Variants in ERP27 observed in about 807,000 individuals in gnomAD.
ERP27 encodes the protein endoplasmic reticulum protein 27.
A neutral mutation model predicts 27.7 loss-of-function variants in ERP27; 23 were observed. The observed-to-expected ratio is 0.83, with a 90% CI of 0.60 to 1.18. ERP27 has a LOEUF of 1.18. ERP27 is among the 50% of genes most tolerant of loss of function. ERP27 has a pLI of 0.00. For missense variants in ERP27, 363 were observed against 327.9 expected (o/e 1.11, Z -0.83); for synonymous variants, 159 against 118.3 (o/e 1.34, Z -2.23).
rs552137378 is a variant in ERP27, at chr12:14,938,159, C to T, written c.95-107G>A. 25 of 920,614 alleles carry T rather than the reference C, an allele frequency of 2.7e-5. No individual in the cohort carries two copies. The African/African-American group carries it at 4.0e-4, about 15-fold the overall frequency. The allele number at this position is 920,614 out of a possible 1,614,324, so 57.0% of individuals were successfully genotyped here. A position where few individuals can be genotyped will look rare whatever the true frequency, so the allele number is the denominator to read the frequency against. On this transcript the variant is annotated intron_variant, in intron 1 of 6. Transcript: ENST00000266397. ...CTCTATACTAAGGGCAAGAAGAGCA[C>T]AATTTATAGGAGTACTGTTGGCATT... is the stretch of plus-strand genomic sequence containing the variant.
At chr12:14,937,627 C>T (rs1863791087) in intron 2 of ERP27, among the ~76,000 whole-genome samples, 1 of 152,144 alleles carries the variant, frequency 6.6e-6, no homozygotes, top group African/African-American at 2.4e-5. Context: ...AGAGTATAGA[C>T]CAAATGTGTT....
intron 4 of ERP27, among the ~76,000 whole-genome samples, chr12:14,920,725 G>C (rs763993791): frequency 4.6e-4 from 70 of 152,134 alleles, no homozygotes; most frequent in Non-Finnish European, 9.7e-4. Context: ...CTAGCAGTGT[G>C]ATAGTTCATT....
At position 14,937,964 on chromosome 12, in the gene ERP27, T is replaced by C; in HGVS notation, c.183A>G (p.Ile61Met). 1 of 1,613,920 alleles carries C rather than the reference T, an allele frequency of 6.2e-7. No homozygotes were observed. ...EFIAATEVAVIGFFQDLEIPA... is the reference protein window; with the variant it reads ...EFIAATEVAVMGFFQDLEIPA... ...GTAGGGAACTAACCTGGAAGAAGCC[T>C]ATGACAGCCACCTCAGTGGCAGCAA... Residue 61 changes from isoleucine (I) to methionine (M), a missense_variant, in exon 2 of 7, where the codon ATA (isoleucine) becomes ATG (methionine). By Grantham distance (10) the Ile-to-Met change is conservative. Transcript: ENST00000266397.
At chr12:14,928,359 A>G (rs555677150) in intron 3 of ERP27, among the ~76,000 whole-genome samples, 11 of 152,342 alleles carry the variant, frequency 7.2e-5, no homozygotes, top group Non-Finnish European at 1.5e-4. Flanking sequence ...CATCCCGGTG[A>G]TGATTCCTAT....
chr12:14,915,979 G>A, intron 5 of ERP27: 2 of 213,214 alleles, frequency 9.4e-6, no homozygotes, highest in Non-Finnish European at 9.5e-6. Flanking sequence ...GAGAACTCCT[G>A]AACACAAAGA....
intron 3 of ERP27, among the ~76,000 whole-genome samples, chr12:14,929,990 G>A (rs1292655879): frequency 6.7e-6 from 1 of 148,654 alleles, no homozygotes; most frequent in Non-Finnish European, 1.5e-5. Flanking sequence ...ACAGGTAGGG[G>A]AACATCACAC....
At chr12:14,924,753 A>G (rs1863571704) in intron 3 of ERP27, among the ~76,000 whole-genome samples, 1 of 152,226 alleles carries the variant, frequency 6.6e-6, no homozygotes, top group South Asian at 2.1e-4. Flanking sequence ...GCTGAGACCT[A>G]CTGGGCTGCA....
rs750316629 is a variant in ERP27, at chr12:14,934,975, C to T, written c.214G>A (p.Val72Met). 4 of 1,614,058 alleles carry T rather than the reference C, an allele frequency of 2.5e-6. No individual in the cohort carries two copies. The highest frequency in any genetic ancestry group is 4.5e-5 in the East Asian group (2 of 44,866). Residue 72 changes from valine (V) to methionine (M), a missense_variant, in exon 3 of 7, where the codon GTG becomes ATG. Physicochemically the swap from Val to Met is conservative, Grantham distance 21 (BLOSUM62 1). Transcript: ENST00000266397. ...TGCACCATGCTATGGAGTATGGGCA[C>T]TGCTGGTATTTCTAAATCCTAAAAA... ...GFFQDLEIPA[V>M]PILHSMVQKF...
chr12:14,938,048 A>C lies in ERP27; in HGVS notation c.99T>G (p.Gly33=), dbSNP rs746321476. 6.2e-7 allele frequency: 1 copy of C among 1,613,908 alleles called. No homozygotes were observed. The highest frequency in any genetic ancestry group is 8.5e-7 in the Non-Finnish European group (1 of 1,179,776). ...VAAEVEKSSD[G]PGAAQEPTWL... is the part of the protein sequence containing the mutation. ...ACGTGGGTTCCTGGGCAGCACCAGG[A>C]CCATCTAGAGAGAGAAGCAGAAGAT... is the stretch of plus-strand genomic sequence containing the variant. The change falls in exon 2 of 7, where the codon GGT becomes GGG. Residue 33 remains glycine (G), a synonymous_variant. Transcript: ENST00000266397.
At chr12:14,930,857 T>C (rs1863687082) in intron 3 of ERP27, among the ~76,000 whole-genome samples, 1 of 152,244 alleles carries the variant, frequency 6.6e-6, no homozygotes, top group East Asian at 1.9e-4. Context: ...ATTTAGACAA[T>C]ATATAATGTC....
intron 3 of ERP27, among the ~76,000 whole-genome samples, chr12:14,934,000 T>C (rs780118263): frequency 6.6e-6 from 1 of 152,254 alleles, no homozygotes; most frequent in Non-Finnish European, 1.5e-5. Context: ...ACTCCCCTGA[T>C]GTAAAGGCTT....
Position 14,914,659 on chromosome 12 carries a change from T to A in ERP27, c.*76A>T. On this transcript the variant is annotated 3_prime_UTR_variant, in exon 7 of 7. Transcript: ENST00000266397. ...CAGGCCTAGTGATCCTGTTGTTTAG[T>A]GTCTCTGAGATTTGAGTTGTGCCTT... 7.2e-7 allele frequency: 1 copy of A among 1,395,658 alleles called. No individual in the cohort carries two copies. Among genetic ancestry groups the A allele is most frequent in the Non-Finnish European group, 1.0e-6 (1 of 996,094 alleles). The allele number at this position is 1,395,658 out of a possible 1,614,324, so 86.5% of individuals were successfully genotyped here. A position where few individuals can be genotyped will look rare whatever the true frequency, so the allele number is the denominator to read the frequency against.
chr12:14,932,715 G>T (rs1277130931), intron 3 of ERP27, among the ~76,000 whole-genome samples: 6 of 152,224 alleles, frequency 3.9e-5, no homozygotes, highest in African/African-American at 1.4e-4. Context: ...AGTAAAAGGA[G>T]ATCTGTTCAG....
rs1863375995 is a variant in ERP27 at position 14,914,575 on chromosome 12, T to TGTGC, written c.*156_*159dup. On this transcript the variant is annotated 3_prime_UTR_variant, in exon 7 of 7. Coordinates refer to ENST00000266397, the MANE Select transcript of ERP27 (RefSeq NM_152321.4). ...ATGAAGCTCTGTGTGTGTGTGTGTGTGTGCGTGTGTGTGTGCACGCGTGCG... is the reference window on the plus strand; with the variant it reads ...ATGAAGCTCTGTGTGTGTGTGTGTGTGTGCGTGCGTGTGTGTGTGCACGCGTGCG... 3.5e-6 allele frequency: 2 copies of TGTGC among 573,582 alleles called. No individual in the cohort carries two copies. Among genetic ancestry groups the TGTGC allele is most frequent in the Non-Finnish European group, 6.0e-6 (2 of 331,702 alleles). The allele number at this position is 573,582 out of a possible 1,614,324, so 35.5% of individuals were successfully genotyped here. A position where few individuals can be genotyped will look rare whatever the true frequency, so the allele number is the denominator to read the frequency against.
chr12:14,934,706 G>A, intron 3 of ERP27, 150 bp downstream of exon 3: 1 of 973,454 alleles, frequency 1.0e-6, no homozygotes, highest in East Asian at 2.6e-5. Context: ...TGGGAAGCTT[G>A]AATTGAGTCA....
intron 6 of ERP27, 137 bp downstream of exon 6, chr12:14,915,352 C>T: frequency 4.0e-6 from 3 of 758,482 alleles, no homozygotes; most frequent in Non-Finnish European, 6.5e-6. Flanking sequence ...GACATTCCTC[C>T]TATCTATCTG....
In ERP27 at chr12:14,921,017, T is replaced by C. The variant is rs1468096068; in HGVS notation, c.365A>G (p.Glu122Gly). 3 of 1,614,126 alleles carry C rather than the reference T, an allele frequency of 1.9e-6. No individual in the cohort carries two copies. Among genetic ancestry groups the C allele is most frequent in the East Asian group, 4.5e-5 (2 of 44,884 alleles). ...GGTGGCATCAATGCTTTCAATGTCT[T>C]CGTCCTCTAAATTCAGTTGTTCATT... ...VDNEQLNLEDEDIESIDATKL... is the reference protein window; with the variant it reads ...VDNEQLNLEDGDIESIDATKL... Residue 122 changes from glutamate to glycine, a missense_variant, in exon 4 of 7, where the codon GAA (glutamate) becomes GGA (glycine). Coordinates refer to ENST00000266397, the MANE Select transcript of ERP27 (RefSeq NM_152321.4).
chr12:14,934,471 C>T (rs1043364732), intron 3 of ERP27, among the ~76,000 whole-genome samples: 3 of 152,126 alleles, frequency 2.0e-5, no homozygotes, highest in Admixed American at 6.5e-5. Flanking sequence ...GTTTGAAGAA[C>T]ATAAATGAAC....
intron 3 of ERP27, among the ~76,000 whole-genome samples, chr12:14,931,405 G>T (rs995148085): frequency 6.6e-6 from 1 of 150,706 alleles, no homozygotes; most frequent in East Asian, 1.9e-4. Context: ...TTGAATAATG[G>T]TCCTATTAAA....
Sources: gnomAD v4.1 joint callset for allele counts (sites outside exome capture counted in the v4.1 genomes callset) on GRCh38, gnomAD v4.1.1 for gene constraint, MANE v1.5 for transcripts, NCBI Gene and HGNC (gene_info 2026-07-23, HGNC 2026-07-21) for gene names.